LRRFIP1: variants seen among roughly 807,000 people sequenced by gnomAD.
LRRFIP1 encodes LRR binding FLII interacting protein 1.
A neutral mutation model predicts 104.4 loss-of-function variants in LRRFIP1; 62 were observed. That is an observed-to-expected ratio of 0.59 (90% CI 0.48 to 0.73). The LOEUF is 0.73. Among genes scored for constraint, LRRFIP1 ranks in the 30% least tolerant of loss-of-function variants. LRRFIP1 has a pLI of 0.00. For missense variants in LRRFIP1, 796 were observed against 824.5 expected (o/e 0.97, Z 0.42); for synonymous variants, 300 against 299.0 (o/e 1.00, Z -0.03).
Position 237,661,032 on chromosome 2 carries a change from G to T in LRRFIP1, c.96+33292G>T, listed in dbSNP as rs186654936. 1.3e-5 allele frequency among the ~76,000 whole-genome samples: 2 copies of T among 152,292 alleles called. No individual in the cohort carries two copies. The highest frequency in any genetic ancestry group is 3.9e-4 in the East Asian group (2 of 5,182). On this transcript the variant is annotated intron_variant, in intron 1 of 23. Transcript: ENST00000308482. The surrounding 1 kb of genome is among the most constrained non-coding windows in gnomAD (Gnocchi z 4.4). The stretch of plus-strand genomic sequence containing the variant: ...TTGCTCAGCCTGGCTCCAGAGGCAC[G>T]CAGTCCCTGTGCCCCGAGAAACTAA...
intron 1 of LRRFIP1, among the ~76,000 whole-genome samples, chr2:237,666,220 C>T (rs1328667408): frequency 6.6e-6 from 1 of 152,272 alleles, no homozygotes; most frequent in Non-Finnish European, 1.5e-5. Flanking sequence ...GAGTCGGGCT[C>T]CATCCCCCAA....
chr2:237,681,622 C>T (rs923115911), intron 1 of LRRFIP1, among the ~76,000 whole-genome samples: 8 of 150,486 alleles, frequency 5.3e-5, no homozygotes, highest in Non-Finnish European at 8.9e-5. Flanking sequence ...CTGCCTCAGC[C>T]TCCCAAAGTA....
chr2:237,740,726 G>A lies in LRRFIP1; in HGVS notation c.633+1417G>A, dbSNP rs192329961. Among the ~76,000 whole-genome samples, 409 of 152,280 alleles carry A rather than the reference G, an allele frequency of 2.7e-3. 2 individuals carry two copies. The highest frequency in any genetic ancestry group is 8.6e-3 in the African/African-American group (359 of 41,536). On this transcript the variant is annotated intron_variant, in intron 11 of 23. Coordinates refer to ENST00000308482, the MANE Select transcript of LRRFIP1 (RefSeq NM_001137550.2). The stretch of plus-strand genomic sequence containing the variant: ...CAGGTATCAGCAAATGCAGGTATCA[G>A]CTTCTTTGGGGGAAGAAAACCCAGG...
intron 1 of LRRFIP1, among the ~76,000 whole-genome samples, chr2:237,689,671 C>T (rs2092634985): frequency 6.6e-6 from 1 of 152,206 alleles, no homozygotes; most frequent in African/African-American, 2.4e-5. Flanking sequence ...CTGCCTGGCC[C>T]ATCCCAGTTC....
intron 7 of LRRFIP1, among the ~76,000 whole-genome samples, chr2:237,726,565 T>C (rs577707832): frequency 6.6e-6 from 1 of 152,378 alleles, no homozygotes; most frequent in South Asian, 2.1e-4. Context: ...GATGGCTTTG[T>C]AATGTATTTA....
intron 2 of LRRFIP1, among the ~76,000 whole-genome samples, chr2:237,709,738 C>G (rs1364338548): frequency 6.6e-6 from 1 of 152,190 alleles, no homozygotes; most frequent in East Asian, 1.9e-4. Flanking sequence ...TAGGCAGTGT[C>G]ACCAAGCCCT....
chr2:237,725,543 TAGC>T (rs775005775), intron 7 of LRRFIP1, among the ~76,000 whole-genome samples: 38 of 152,174 alleles, frequency 2.5e-4, no homozygotes, highest in Non-Finnish European at 4.0e-4. Flanking sequence ...AGGAGAAAGT[TAGC>T]AGTGTTCTTT....
chr2:237,671,754 G>T lies in LRRFIP1; in HGVS notation c.97-36790G>T, dbSNP rs117978029. Among the ~76,000 whole-genome samples, 463 of 151,812 alleles carry T rather than the reference G, an allele frequency of 3.0e-3. 7 individuals are homozygous for T. In the East Asian group the frequency reaches 0.046, roughly 15 times the overall value. ...CTCAGCCTACTCAGCACTGCTTTATGTGTCTGTGTGCACACACGTGTGCAT... is the reference window on the plus strand; with the variant it reads ...CTCAGCCTACTCAGCACTGCTTTATTTGTCTGTGTGCACACACGTGTGCAT... On this transcript the variant is annotated intron_variant, in intron 1 of 23. Transcript: ENST00000308482.
intron 10 of LRRFIP1, among the ~76,000 whole-genome samples, chr2:237,736,810 G>C (rs921715154): frequency 1.3e-5 from 2 of 152,232 alleles, no homozygotes; most frequent in African/African-American, 4.8e-5. Flanking sequence ...CCATGAGGAA[G>C]ACGGAAGGGA....
At chr2:237,707,072 A>C (rs756339975) in intron 1 of LRRFIP1, among the ~76,000 whole-genome samples, 16 of 152,314 alleles carry the variant, frequency 1.1e-4, no homozygotes, top group Non-Finnish European at 1.3e-4. Context: ...GAGCCAAGCG[A>C]ATAGAACAAA....
At chr2:237,741,862 G>T (rs1401522813) in intron 11 of LRRFIP1, among the ~76,000 whole-genome samples, 1 of 151,984 alleles carries the variant, frequency 6.6e-6, no homozygotes, top group Non-Finnish European at 1.5e-5. Context: ...AGAAAGAAAA[G>T]AAAATATAAG....
At chr2:237,692,919 T>C (rs565840985) in intron 1 of LRRFIP1, among the ~76,000 whole-genome samples, 12 of 152,326 alleles carry the variant, frequency 7.9e-5, no homozygotes, top group South Asian at 4.1e-4. Context: ...TCACCCGCTG[T>C]TGGAACCACC....
intron 22 of LRRFIP1, chr2:237,773,842 T>C (rs1482273248): frequency 6.4e-6 from 1 of 155,408 alleles, no homozygotes; most frequent in Non-Finnish European, 1.4e-5. Context: ...TGTGTGCTTT[T>C]GATTGCGGCA....
At chr2:237,653,292 A>G (rs2086247820) in intron 1 of LRRFIP1, among the ~76,000 whole-genome samples, 1 of 152,246 alleles carries the variant, frequency 6.6e-6, no homozygotes, top group Non-Finnish European at 1.5e-5. Context: ...CTTTAGGATT[A>G]AATGTAAACA....
chr2:237,713,149 G>A (rs2094180558), intron 2 of LRRFIP1, among the ~76,000 whole-genome samples: 1 of 151,950 alleles, frequency 6.6e-6, no homozygotes. Context: ...AGCGTGTACG[G>A]AGAGGGGAGG....
intron 3 of LRRFIP1, 74 bp downstream of exon 3, chr2:237,714,350 G>A: frequency 8.5e-7 from 1 of 1,169,976 alleles, no homozygotes; most frequent in Non-Finnish European, 1.3e-6. Context: ...TCACCTTTCA[G>A]AAATAACACC....
chr2:237,640,310 C>T (rs951300010), intron 1 of LRRFIP1, among the ~76,000 whole-genome samples: 7 of 151,750 alleles, frequency 4.6e-5, no homozygotes, highest in Admixed American at 3.3e-4. Context: ...GGCTGGGGAC[C>T]GTCTATAACA....
chr2:237,771,416 T>C (rs926389717), intron 20 of LRRFIP1, among the ~76,000 whole-genome samples: 5 of 151,692 alleles, frequency 3.3e-5, no homozygotes, highest in Non-Finnish European at 5.9e-5. Context: ...GTTGTAGGCG[T>C]TGGGTATTAA....
At chr2:237,654,140 TA>T (rs1373610377) in intron 1 of LRRFIP1, among the ~76,000 whole-genome samples, 1 of 152,030 alleles carries the variant, frequency 6.6e-6, no homozygotes. Flanking sequence ...AAATAAACAG[TA>T]AATATAAACA....
Sources: allele counts gnomAD v4.1 joint callset (sites outside exome capture counted in the v4.1 genomes callset), GRCh38; gene constraint gnomAD v4.1.1; non-coding constraint Gnocchi (gnomAD v3.1); transcripts MANE v1.5; gene names NCBI Gene and HGNC (gene_info 2026-07-23, HGNC 2026-07-21).